The following DGAT2 variants were observed in gnomAD, a reference collection of about 807,000 sequenced individuals.
DGAT2 encodes the protein acyl-CoA retinol O-fatty-acyltransferase.
In DGAT2, 33 loss-of-function variants were observed where a neutral mutation model predicts 48.4. The observed-to-expected ratio is 0.68, with a 90% CI of 0.52 to 0.91. The LOEUF is 0.91. Among genes scored for constraint, DGAT2 ranks in the 40% least tolerant of loss-of-function variants. DGAT2 has a pLI of 0.00. For missense variants in DGAT2, 446 were observed against 493.7 expected, an observed-to-expected ratio of 0.90 and a Z score of 0.92; for synonymous variants, 191 against 194.1, an observed-to-expected ratio of 0.98 and a Z score of 0.13.
intron 1 of DGAT2, among the ~76,000 whole-genome samples, chr11:75,771,450 G>A (rs1347859648): frequency 6.6e-6 from 1 of 152,108 alleles, no homozygotes; most frequent in Non-Finnish European, 1.5e-5. Context: ...GAGCTGATTT[G>A]TTGTGTGCGG....
intron 7 of DGAT2, among the ~76,000 whole-genome samples, chr11:75,799,578 C>T (rs1289302475): frequency 6.6e-6 from 1 of 151,698 alleles, no homozygotes; most frequent in Non-Finnish European, 1.5e-5. Flanking sequence ...TGCTGGTCTA[C>T]TCCCTCCTCT....
rs1300860708 is a variant in DGAT2, at chr11:75,797,267, G to A, written c.744G>A (p.Met248Ile). The part of the protein sequence containing the change: ...VGGAAESLSS[M>I]PGKNAVTLRN... ...GTGCGGCTGAGTCTCTGAGCTCCAT[G>A]CCTGGCAAGAATGCAGTCACCCTGC... The change falls in exon 6 of 8, where the codon ATG becomes ATA. Residue 248 changes from methionine to isoleucine, a missense_variant. Coordinates refer to ENST00000228027, the MANE Select transcript of DGAT2 (RefSeq NM_032564.5). 15 of 1,577,484 alleles carry A rather than the reference G, an allele frequency of 9.5e-6. No homozygotes were observed. Among genetic ancestry groups the A allele is most frequent in the Non-Finnish European group, 1.3e-5 (15 of 1,162,036 alleles).
chr11:75,800,691 T>C lies in DGAT2; in HGVS notation c.*183T>C. ...AGTCAGTATTTCAAGTTCTTTCACT[T>C]CCAGCTTGCCCTGTTCTAGGTGGTG... On this transcript the variant is annotated 3_prime_UTR_variant, in exon 8 of 8. Coordinates refer to ENST00000228027, the MANE Select transcript of DGAT2 (RefSeq NM_032564.5). 1.2e-6 allele frequency: 1 copy of C among 801,224 alleles called. No individual in the cohort carries two copies. The highest frequency in any genetic ancestry group is 1.9e-6 in the Non-Finnish European group (1 of 528,842). 49.6% of individuals were successfully genotyped at this position (801,224 alleles called of 1,614,324 possible). A position where few individuals can be genotyped will look rare whatever the true frequency, so the allele number is the denominator to read the frequency against.
Position 75,769,009 on chromosome 11 carries a change from C to T in DGAT2, c.18C>T (p.Ala6=), listed in dbSNP as rs1344468188. MKTLI[A]AYSGVLRGER... Reference sequence around the variant, plus strand: ...CTTCAGCCATGAAGACCCTCATAGCCGCCTACTCCGGGGTCCTGCGCGGCG... The same window carrying T: ...CTTCAGCCATGAAGACCCTCATAGCTGCCTACTCCGGGGTCCTGCGCGGCG... The change falls in exon 1 of 8, where the codon GCC becomes GCT. Residue 6 remains alanine (A), a synonymous_variant. Transcript: ENST00000228027. The T allele has an allele frequency of 3.2e-6, 5 of 1,568,916 alleles. No individual in the cohort carries two copies. Among genetic ancestry groups the T allele is most frequent in the African/African-American group, 1.4e-5 (1 of 71,708 alleles).
In DGAT2 at chr11:75,789,145, A is replaced by T. The variant is rs186856941; in HGVS notation, c.251-1043A>T. Among the ~76,000 whole-genome samples, 37 of 151,404 alleles carry T rather than the reference A, an allele frequency of 2.4e-4. 1 individual carries two copies. The highest frequency in any genetic ancestry group is 6.8e-3 in the Middle Eastern group (2 of 294). The stretch of plus-strand genomic sequence containing the variant: ...AGGCAAGTCTTCCAAGTGTGCTGTT[A>T]GGGTTTTTTTTTTTTTACTTTTGAG... On this transcript the variant is annotated intron_variant, in intron 2 of 7. Transcript: ENST00000228027.
intron 1 of DGAT2, among the ~76,000 whole-genome samples, chr11:75,772,387 A>C (rs1944767342): frequency 6.6e-6 from 1 of 152,002 alleles, no homozygotes; most frequent in Admixed American, 6.5e-5. Flanking sequence ...TTCCTCTCCT[A>C]GTATGTCACC....
intron 2 of DGAT2, among the ~76,000 whole-genome samples, chr11:75,784,950 C>T (rs947593016): frequency 2.0e-5 from 3 of 152,158 alleles, no homozygotes; most frequent in African/African-American, 7.2e-5. Context: ...CAGCAAGATT[C>T]AGTGGGAGGT....
intron 4 of DGAT2, chr11:75,795,604 T>TA (rs1176086170): frequency 6.6e-6 from 1 of 152,656 alleles, no homozygotes; most frequent in African/African-American, 2.4e-5. Flanking sequence ...GCTGCAGCCT[T>TA]ACAACTAACC....
At chr11:75,785,941 C>T (rs1944918233) in intron 2 of DGAT2, among the ~76,000 whole-genome samples, 1 of 152,218 alleles carries the variant, frequency 6.6e-6, no homozygotes, top group South Asian at 2.1e-4. Flanking sequence ...TCAGTGCATT[C>T]CCCAGGGAGC....
chr11:75,790,815 A>G lies in DGAT2; in HGVS notation c.429+84A>G, dbSNP rs557755424. ...GGCCTTAACCCACCCACAGGGAAGC[A>G]AGTTTAGACCAAGTTGGTCTCTTCA... On this transcript the variant is annotated intron_variant, in intron 4 of 7. Transcript: ENST00000228027. 15 of 1,398,490 alleles carry G rather than the reference A, an allele frequency of 1.1e-5. No individual in the cohort carries two copies. In the South Asian group the frequency reaches 1.6e-4, roughly 15 times the overall value. 86.6% of individuals were successfully genotyped at this position (1,398,490 alleles called of 1,614,324 possible).
intron 1 of DGAT2, among the ~76,000 whole-genome samples, chr11:75,771,967 G>A (rs1374114978): frequency 1.3e-5 from 2 of 152,142 alleles, no homozygotes; most frequent in Admixed American, 1.3e-4. Context: ...TTACAGATGG[G>A]ATCACTGGAG....
chr11:75,781,129 G>C (rs1021110906), intron 1 of DGAT2, among the ~76,000 whole-genome samples: 4 of 152,232 alleles, frequency 2.6e-5, no homozygotes, highest in South Asian at 2.1e-4. Context: ...TCCATTGTGC[G>C]GGTCTGACTT....
intron 4 of DGAT2, chr11:75,793,972 A>G (rs1211090539): frequency 6.6e-6 from 1 of 152,234 alleles, no homozygotes; most frequent in Non-Finnish European, 1.5e-5. Flanking sequence ...CCCGAGCCCC[A>G]CTAGCTATGG....
At chr11:75,793,429 C>G (rs897580364) in intron 4 of DGAT2, 2 of 152,254 alleles carry the variant, frequency 1.3e-5, no homozygotes, top group Non-Finnish European at 2.9e-5. Context: ...AAAGAGCCAC[C>G]TGGGGCCCAC....
intron 7 of DGAT2, among the ~76,000 whole-genome samples, chr11:75,798,853 C>T (rs999010802): frequency 6.6e-6 from 1 of 152,130 alleles, no homozygotes; most frequent in Non-Finnish European, 1.5e-5. Context: ...GAATTTTTAT[C>T]AGAAACAATA....
At chr11:75,792,516 T>A (rs1296493498) in intron 4 of DGAT2, 1 of 152,046 alleles carries the variant, frequency 6.6e-6, no homozygotes, top group Non-Finnish European at 1.5e-5. Context: ...CCTGGCCTCT[T>A]GCCAGTAATC....
Position 75,800,601 on chromosome 11 carries a change from T to G in DGAT2, c.*93T>G. 1 of 1,419,128 alleles carries G rather than the reference T, an allele frequency of 7.0e-7. No homozygotes were observed. Among genetic ancestry groups the G allele is most frequent in the South Asian group, 1.4e-5 (1 of 71,004 alleles). 87.9% of individuals were successfully genotyped at this position (1,419,128 alleles called of 1,614,324 possible). A position where few individuals can be genotyped will look rare whatever the true frequency, so the allele number is the denominator to read the frequency against. ...AAGTGTCATGGGTGTCTGTGGGTTA[T>G]TTAAAAGAAATTATAACAATTTTGC... On this transcript the variant is annotated 3_prime_UTR_variant, in exon 8 of 8. Coordinates refer to ENST00000228027, the MANE Select transcript of DGAT2 (RefSeq NM_032564.5).
intron 1 of DGAT2, among the ~76,000 whole-genome samples, chr11:75,778,811 G>A (rs1415270472): frequency 6.8e-6 from 1 of 146,392 alleles, no homozygotes; most frequent in Admixed American, 6.8e-5. Context: ...TCCAGCCTGG[G>A]CGACAGATCG....
At chr11:75,769,989 T>G (rs1944741386) in intron 1 of DGAT2, among the ~76,000 whole-genome samples, 1 of 152,172 alleles carries the variant, frequency 6.6e-6, no homozygotes, top group South Asian at 2.1e-4. Flanking sequence ...CGCCCACCTT[T>G]GTTACAAAAA....
Sources: gnomAD v4.1 joint callset for allele counts (sites outside exome capture counted in the v4.1 genomes callset) on GRCh38, gnomAD v4.1.1 for gene constraint, MANE v1.5 for transcripts, NCBI Gene and HGNC (gene_info 2026-07-23, HGNC 2026-07-21) for gene names.